Variants in PRELID2 observed in about 807,000 individuals in gnomAD.
The protein encoded by PRELID2 is PRELI domain-containing protein 2.
Under a neutral mutation model 28.4 loss-of-function variants are expected in PRELID2, and 25 were observed. The ratio of observed to expected loss-of-function variants is 0.88; its 90% CI spans 0.64 to 1.23. The LOEUF (loss-of-function observed/expected upper bound fraction) is 1.23, where lower values mean the gene tolerates loss of function less well. Among genes scored for constraint, PRELID2 ranks in the 50% most tolerant of loss-of-function variants. PRELID2 has a pLI of 0.00. For synonymous variants in PRELID2, 76 were observed against 71.6 expected, an observed-to-expected ratio of 1.06 and a Z score of -0.31; for missense variants, 201 against 214.4, an observed-to-expected ratio of 0.94 and a Z score of 0.39.
the PRELID2 span, among the ~76,000 whole-genome samples, chr5:145,424,234 C>T: frequency 8.5e-5 from 13 of 152,264 alleles, no homozygotes; most frequent in East Asian, 2.5e-3. Flanking sequence ...CAGAGGCAGG[C>T]AGGCCTCCTT....
chr5:145,611,554 T>C (rs1163355992), intron 1 of PRELID2, among the ~76,000 whole-genome samples: 1 of 152,140 alleles, frequency 6.6e-6, no homozygotes, highest in East Asian at 1.9e-4. Flanking sequence ...AGCTACAAAA[T>C]TACCAATACA....
the PRELID2 span, among the ~76,000 whole-genome samples, chr5:145,297,633 A>G: frequency 6.6e-6 from 1 of 151,576 alleles, no homozygotes; most frequent in African/African-American, 2.4e-5. Flanking sequence ...ATTAGGCAGG[A>G]GAAGGAAATA....
At chr5:145,584,776 T>C (rs1183914375) in intron 1 of PRELID2, among the ~76,000 whole-genome samples, 1 of 151,714 alleles carries the variant, frequency 6.6e-6, no homozygotes, top group South Asian at 2.1e-4. Context: ...TAAAAAGTAA[T>C]CATCACCAGC....
the PRELID2 span, among the ~76,000 whole-genome samples, chr5:145,320,296 A>G: frequency 6.7e-6 from 1 of 149,638 alleles, no homozygotes. Flanking sequence ...TTTGAGACGG[A>G]GTCTCGCTCT....
chr5:145,798,186 A>G (rs2149820966), intron 4 of PRELID2, among the ~76,000 whole-genome samples: 1 of 152,160 alleles, frequency 6.6e-6, no homozygotes, highest in African/African-American at 2.4e-5. Context: ...GAACCAAAAA[A>G]CAAATAAAAA....
chr5:145,470,368 A>G (rs987487935), downstream of PRELID2, among the ~76,000 whole-genome samples: 1 of 152,166 alleles, frequency 6.6e-6, no homozygotes, highest in African/African-American at 2.4e-5. Context: ...TAAAACATCT[A>G]CATTGCACCC....
chr5:145,456,288 C>T, the PRELID2 span, among the ~76,000 whole-genome samples: 1 of 152,186 alleles, frequency 6.6e-6, no homozygotes, highest in African/African-American at 2.4e-5. Context: ...AATCTTGTCG[C>T]AGACCAGTAA....
the PRELID2 span, among the ~76,000 whole-genome samples, chr5:145,357,562 T>C: frequency 1.3e-5 from 2 of 152,338 alleles, no homozygotes; most frequent in Non-Finnish European, 2.9e-5. Flanking sequence ...TATGAAATTC[T>C]TGAAGTGAGT....
intron 1 of PRELID2, among the ~76,000 whole-genome samples, chr5:145,651,442 A>T (rs1754295762): frequency 6.6e-6 from 1 of 152,196 alleles, no homozygotes; most frequent in Non-Finnish European, 1.5e-5. Context: ...GAGATCTGAG[A>T]ACAGTCAGAC....
chr5:145,713,498 T>C (rs893594194), intron 1 of PRELID2, among the ~76,000 whole-genome samples: 2 of 145,230 alleles, frequency 1.4e-5, no homozygotes, highest in African/African-American at 5.0e-5. Flanking sequence ...ATACTATATA[T>C]GTATGCCAGA....
chr5:145,247,283 C>T, the PRELID2 span, among the ~76,000 whole-genome samples: 2 of 152,100 alleles, frequency 1.3e-5, no homozygotes, highest in Non-Finnish European at 2.9e-5. Context: ...AAACCTGATC[C>T]CCAGATGCTG....
At chr5:145,457,546 C>A in the PRELID2 span, among the ~76,000 whole-genome samples, 2 of 152,140 alleles carry the variant, frequency 1.3e-5, no homozygotes, top group African/African-American at 4.8e-5. Context: ...CAGATAAGAG[C>A]TTTCTGAAGC....
At chr5:145,561,335 T>C (rs777968061) in intron 1 of PRELID2, among the ~76,000 whole-genome samples, 1 of 152,118 alleles carries the variant, frequency 6.6e-6, no homozygotes, top group Non-Finnish European at 1.5e-5. Flanking sequence ...TCTGTATTGG[T>C]GCATGCCATC....
the PRELID2 span, among the ~76,000 whole-genome samples, chr5:145,455,637 T>C: frequency 2.6e-3 from 401 of 152,340 alleles, 2 homozygotes; most frequent in African/African-American, 8.9e-3. Flanking sequence ...TGGTTTGTAG[T>C]TCTCTTTGAA....
the PRELID2 span, among the ~76,000 whole-genome samples, chr5:145,344,026 A>G: frequency 2.0e-5 from 3 of 151,842 alleles, no homozygotes; most frequent in Non-Finnish European, 2.9e-5. Flanking sequence ...AAGTCTCTCA[A>G]AAAGGAAAAT....
the PRELID2 span, among the ~76,000 whole-genome samples, chr5:145,416,669 A>G: frequency 8.5e-5 from 13 of 152,320 alleles, no homozygotes; most frequent in East Asian, 2.3e-3. Flanking sequence ...GAAAATTTAT[A>G]GCATTGAATG....
At chr5:145,421,569 C>T in the PRELID2 span, among the ~76,000 whole-genome samples, 43 of 143,028 alleles carry the variant, frequency 3.0e-4, 1 homozygote, top group African/African-American at 9.5e-4. Flanking sequence ...TCTGTGGGAT[C>T]GGTGGTGATA....
chr5:145,739,756 A>G (rs1756599126), intron 1 of PRELID2, among the ~76,000 whole-genome samples: 1 of 152,092 alleles, frequency 6.6e-6, no homozygotes, highest in Non-Finnish European at 1.5e-5. Context: ...GGAGTGATAA[A>G]ACAACCATAT....
intron 1 of PRELID2, among the ~76,000 whole-genome samples, chr5:145,477,370 T>A (rs1334185047): frequency 6.6e-6 from 1 of 152,142 alleles, no homozygotes; most frequent in Admixed American, 6.6e-5. Context: ...GCAGTCCACA[T>A]CCTATCCTAT....
Sources: gnomAD v4.1 joint callset for allele counts (sites outside exome capture counted in the v4.1 genomes callset) on GRCh38, gnomAD v4.1.1 for gene constraint, MANE v1.5 for transcripts, NCBI Gene and HGNC (gene_info 2026-07-23, HGNC 2026-07-21) for gene names.